The following AHCYL1 variants were observed in gnomAD, a reference collection of about 807,000 sequenced individuals.
The protein encoded by AHCYL1 is adenosylhomocysteinase like 1, also known as S-adenosylhomocysteine hydrolase-like protein 1.
In AHCYL1, 20 loss-of-function variants were observed where a neutral mutation model predicts 79.3. The observed-to-expected ratio is 0.25, with a 90% CI of 0.18 to 0.37. AHCYL1 has a LOEUF of 0.37. Ranked by LOEUF, AHCYL1 falls within the 10% of genes least tolerant of loss-of-function variation. The pLI is 1.00. For missense variants in AHCYL1, 330 were observed against 673.6 expected, an observed-to-expected ratio of 0.49 and a Z score of 5.65; for synonymous variants, 223 against 242.2, an observed-to-expected ratio of 0.92 and a Z score of 0.74.
chr1:110,021,011 A>T (rs2101747882), intron 16 of AHCYL1, among the ~76,000 whole-genome samples, 160 bp downstream of exon 16: 1 of 152,328 alleles, frequency 6.6e-6, no homozygotes, highest in Admixed American at 6.5e-5. Context: ...TAATCCCAGC[A>T]CTTTGAGAGG....
Position 110,012,913 on chromosome 1 carries a change from T to C in AHCYL1, c.494T>C (p.Leu165Pro). Reference protein sequence around the residue: ...TAQTAVLIETLCALGAQCRWS... With the variant: ...TAQTAVLIETPCALGAQCRWS... ...TCTACACAGGTGTTGATTGAGACAC[T>C]CTGTGCCCTGGGGGCTCAGTGCCGC... Residue 165 changes from leucine to proline, a missense_variant, in exon 5 of 17, where the codon CTC becomes CCC. Around this residue, in one of 6 missense-constraint regions of AHCYL1, gnomAD observed 97 missense variants for 176.3 expected, o/e 0.55. Transcript: ENST00000369799. 6.2e-7 allele frequency: 1 copy of C among 1,612,134 alleles called. No individual in the cohort carries two copies. Among genetic ancestry groups the C allele is most frequent in the Non-Finnish European group, 8.5e-7 (1 of 1,179,500 alleles).
intron 1 of AHCYL1, among the ~76,000 whole-genome samples, chr1:109,989,188 C>A (rs1243343725): frequency 6.6e-6 from 1 of 152,132 alleles, no homozygotes; most frequent in African/African-American, 2.4e-5. Context: ...GTTAGTTACA[C>A]TCTAGTTTCC....
At chr1:110,021,162 A>T (rs1651770244) in intron 16 of AHCYL1, among the ~76,000 whole-genome samples, 1 of 152,124 alleles carries the variant, frequency 6.6e-6, no homozygotes, top group African/African-American at 2.4e-5. Context: ...AATCACTTGA[A>T]CCTGGGAGGC....
At chr1:110,019,521 C>A in intron 14 of AHCYL1, 27 bp from the exon 15 acceptor site, 1 of 1,575,262 alleles carries the variant, frequency 6.3e-7, no homozygotes, top group Admixed American at 2.0e-5. Context: ...TATTTTTGTG[C>A]TTTCTGGCCT....
chr1:109,994,073 A>G (rs1570849291), intron 1 of AHCYL1, among the ~76,000 whole-genome samples: 1 of 152,192 alleles, frequency 6.6e-6, no homozygotes, highest in Non-Finnish European at 1.5e-5. Flanking sequence ...AAAGCTATAC[A>G]TGCCCTTCTC....
Position 110,019,098 on chromosome 1 carries a change from G to T in AHCYL1, c.1365G>T (p.Leu455=). 2 of 1,614,050 alleles carry T rather than the reference G, an allele frequency of 1.2e-6. No homozygotes were observed. The highest frequency in any genetic ancestry group is 1.7e-6 in the Non-Finnish European group (2 of 1,180,018). The part of the protein sequence containing the change: ...LSCSTVPTFV[L]SITATTQALA... The stretch of plus-strand genomic sequence containing the variant: ...GCTCCACAGTTCCCACCTTTGTTCT[G>T]TCCATCACAGCCACAACACAGGTAT... Residue 455 remains leucine, a synonymous_variant, in exon 14 of 17, where the codon CTG becomes CTT. Transcript: ENST00000369799.
intron 1 of AHCYL1, among the ~76,000 whole-genome samples, chr1:109,999,834 G>A (rs1048111539): frequency 2.6e-5 from 4 of 151,942 alleles, no homozygotes; most frequent in African/African-American, 9.7e-5. Context: ...GCTCACTGCA[G>A]CCTCGACCTC....
At position 110,016,713 on chromosome 1, in the gene AHCYL1, G is replaced by T. The variant is rs1176028527; in HGVS notation, c.946G>T (p.Val316Leu). 1 of 1,614,174 alleles carries T rather than the reference G, an allele frequency of 6.2e-7. No homozygotes were observed. Among genetic ancestry groups the T allele is most frequent in the Non-Finnish European group, 8.5e-7 (1 of 1,180,032 alleles). ...DVMFGGKQVV[V>L]CGYGEVGKGC... The stretch of plus-strand genomic sequence containing the variant: ...GATGTTTGGTGGGAAACAAGTGGTG[G>T]TGTGTGGCTATGGTGAGGTAAATAG... The change falls in exon 9 of 17, where the codon GTG becomes TTG. Residue 316 changes from valine (V) to leucine (L), a missense_variant. Val to Leu is a conservative substitution (Grantham distance 32). Transcript: ENST00000369799.
At chr1:110,014,060 C>A (rs1210328112) in intron 5 of AHCYL1, among the ~76,000 whole-genome samples, 1 of 151,964 alleles carries the variant, frequency 6.6e-6, no homozygotes, top group East Asian at 1.9e-4. Context: ...CTTGGCCTCC[C>A]AAAGTGCTGG....
chr1:109,993,113 T>C (rs1649853233), intron 1 of AHCYL1, among the ~76,000 whole-genome samples: 1 of 152,194 alleles, frequency 6.6e-6, no homozygotes, highest in Non-Finnish European at 1.5e-5. Flanking sequence ...GAACCGGCAT[T>C]TCGGCCACTT....
intron 6 of AHCYL1, 41 bp from the exon 7 acceptor site, chr1:110,015,384 G>C (rs895316925): frequency 6.5e-7 from 1 of 1,533,482 alleles, no homozygotes; most frequent in Admixed American, 1.7e-5. Context: ...CCCAGCCCTA[G>C]CAGCCTGAAT....
chr1:109,996,206 T>C (rs1173980572), intron 1 of AHCYL1, among the ~76,000 whole-genome samples: 1 of 152,062 alleles, frequency 6.6e-6, no homozygotes, highest in African/African-American at 2.4e-5. Context: ...CAAGACTATG[T>C]CTCAAAAAAG....
At chr1:110,008,046 A>G (rs1438740563) in intron 1 of AHCYL1, among the ~76,000 whole-genome samples, 1 of 123,408 alleles carries the variant, frequency 8.1e-6, no homozygotes, top group East Asian at 2.4e-4. Flanking sequence ...TTTTTGAGAC[A>G]GAGTCTCACT....
intron 1 of AHCYL1, among the ~76,000 whole-genome samples, chr1:109,988,866 G>T (rs998795697): frequency 6.6e-6 from 1 of 152,240 alleles, no homozygotes; most frequent in African/African-American, 2.4e-5. Context: ...ACCAAGTAGA[G>T]CCCCAATGGG....
At chr1:110,013,787 C>T (rs1371471658) in intron 5 of AHCYL1, among the ~76,000 whole-genome samples, 3 of 149,254 alleles carry the variant, frequency 2.0e-5, no homozygotes, top group Non-Finnish European at 3.0e-5. Context: ...CTTTGAGGAC[C>T]TCTCATCTTT....
intron 5 of AHCYL1, among the ~76,000 whole-genome samples, 196 bp from the exon 6 acceptor site, chr1:110,014,567 T>C (rs17025345): frequency 0.011 from 1,695 of 152,378 alleles, 18 homozygotes; most frequent in South Asian, 0.042. Flanking sequence ...CAAACTACTT[T>C]TAAAGCAAAA....
intron 9 of AHCYL1, 112 bp downstream of exon 9, chr1:110,016,842 T>G: frequency 8.5e-7 from 1 of 1,179,024 alleles, no homozygotes; most frequent in Non-Finnish European, 1.2e-6. Flanking sequence ...TTAAATTTTT[T>G]TAGATAATGT....
At chr1:109,992,527 T>A (rs1027347136) in intron 1 of AHCYL1, among the ~76,000 whole-genome samples, 2 of 152,080 alleles carry the variant, frequency 1.3e-5, no homozygotes, top group East Asian at 3.9e-4. Flanking sequence ...TTCTCATGAC[T>A]GTTAGCTTTA....
In AHCYL1 at chr1:110,018,070, T is replaced by C. The variant is rs1570892085; in HGVS notation, c.1123+54T>C. On this transcript the variant is annotated intron_variant, in intron 11 of 16. Transcript: ENST00000369799. ...TTCAGAGGCTAAATCTTGAAAGTAGTCTGAGTGACTTTCATACAAAGGAGG... is the reference window on the plus strand; with the variant it reads ...TTCAGAGGCTAAATCTTGAAAGTAGCCTGAGTGACTTTCATACAAAGGAGG... The C allele has an allele frequency of 3.2e-6, 5 of 1,565,402 alleles. No homozygotes were observed. The East Asian group carries it at 1.1e-4, about 35-fold the overall frequency.
Sources: allele counts gnomAD v4.1 joint callset (sites outside exome capture counted in the v4.1 genomes callset), GRCh38; gene constraint gnomAD v4.1.1; regional missense constraint gnomAD v4.1.1; transcripts MANE v1.5; gene names NCBI Gene and HGNC (gene_info 2026-07-23, HGNC 2026-07-21).